Variants in HAO1 observed in about 807,000 individuals in gnomAD.
HAO1 encodes hydroxyacid oxidase 1.
A neutral mutation model predicts 39.7 loss-of-function variants in HAO1; 34 were observed. The ratio of observed to expected loss-of-function variants is 0.86; its 90% CI spans 0.65 to 1.14. The LOEUF (loss-of-function observed/expected upper bound fraction) is 1.14, where lower values mean the gene tolerates loss of function less well. Among genes scored for constraint, HAO1 ranks in the 50% most tolerant of loss-of-function variants. The pLI is 0.00. For synonymous variants in HAO1, 172 were observed against 173.2 expected (o/e 0.99, Z 0.05); for missense variants, 479 against 464.5 (o/e 1.03, Z -0.29).
At position 7,923,332 on chromosome 20, in the gene HAO1, G is replaced by T. The variant is rs532546281; in HGVS notation, c.290-8913C>A. Among the ~76,000 whole-genome samples the T allele has an allele frequency of 4.6e-5, 7 of 152,224 alleles. No individual in the cohort carries two copies. In the East Asian group the frequency reaches 1.3e-3, roughly 29 times the overall value. On this transcript the variant is annotated intron_variant, in intron 2 of 7. Transcript: ENST00000378789. ...CTAGAGCTTGGCAGAGTTTTGTTTT[G>T]TTTGTTTGTCACATCAAGTCTTAAT...
intron 2 of HAO1, among the ~76,000 whole-genome samples, chr20:7,931,744 GC>G (rs2050386679): frequency 6.6e-6 from 1 of 152,096 alleles, no homozygotes; most frequent in Admixed American, 6.5e-5. Flanking sequence ...TTCTAAGGAA[GC>G]TTTCTTTTCT....
At chr20:7,897,548 A>C (rs1432078824) in intron 4 of HAO1, among the ~76,000 whole-genome samples, 1 of 152,044 alleles carries the variant, frequency 6.6e-6, no homozygotes, top group East Asian at 1.9e-4. Flanking sequence ...TTCAGCAATC[A>C]TGTTTTTAAT....
In HAO1 at chr20:7,934,335, C is replaced by A. The variant is rs140715703; in HGVS notation, c.289+149G>T. On this transcript the variant is annotated intron_variant, in intron 2 of 7. Transcript: ENST00000378789. ...CTGGAAAGAAGAGGAGCAGGACATG[C>A]AAGAACAAGTATTTTGATGATAGAG... 911 of 543,134 alleles carry A rather than the reference C, an allele frequency of 1.7e-3. 8 individuals carry two copies. Among genetic ancestry groups the A allele is most frequent in the African/African-American group, 0.016 (823 of 51,294 alleles). 33.6% of individuals were successfully genotyped at this position (543,134 alleles called of 1,614,324 possible).
At chr20:7,907,668 AT>A (rs1316721779) in intron 3 of HAO1, among the ~76,000 whole-genome samples, 13 of 152,032 alleles carry the variant, frequency 8.6e-5, no homozygotes, top group African/African-American at 3.1e-4. Flanking sequence ...TTAGCCCAGT[AT>A]TTCTCTAACT....
chr20:7,937,743 T>C (rs867431389), intron 1 of HAO1, among the ~76,000 whole-genome samples: 1 of 152,238 alleles, frequency 6.6e-6, no homozygotes, highest in African/African-American at 2.4e-5. Context: ...CTGTTCTTCG[T>C]TGAATTAATC....
chr20:7,893,618 G>T (rs1281007185), intron 5 of HAO1, among the ~76,000 whole-genome samples: 1 of 152,098 alleles, frequency 6.6e-6, no homozygotes, highest in African/African-American at 2.4e-5. Context: ...ATCTGGTATT[G>T]TGGCCTTCAA....
chr20:7,907,715 C>T (rs2050254997), intron 3 of HAO1, among the ~76,000 whole-genome samples: 2 of 152,128 alleles, frequency 1.3e-5, no homozygotes, highest in African/African-American at 4.8e-5. Context: ...TCCCCTGTGC[C>T]TGAGGTCTTT....
At chr20:7,917,684 G>A (rs945984700) in intron 2 of HAO1, among the ~76,000 whole-genome samples, 6 of 152,158 alleles carry the variant, frequency 3.9e-5, no homozygotes, top group African/African-American at 1.4e-4. Flanking sequence ...AAATCACTCA[G>A]ATGATAGGGC....
At chr20:7,889,595 G>C (rs1600105165) in intron 5 of HAO1, among the ~76,000 whole-genome samples, 5 of 152,226 alleles carry the variant, frequency 3.3e-5, no homozygotes, top group Admixed American at 3.3e-4. Flanking sequence ...CTTCTCAGAA[G>C]CAACATATTA....
At chr20:7,899,806 A>G (rs2050213553) in intron 4 of HAO1, among the ~76,000 whole-genome samples, 1 of 152,216 alleles carries the variant, frequency 6.6e-6, no homozygotes, top group South Asian at 2.1e-4. Context: ...CAAAATGTTC[A>G]TGAATCTTGG....
At chr20:7,907,020 C>G (rs1331388252) in intron 3 of HAO1, among the ~76,000 whole-genome samples, 1 of 152,190 alleles carries the variant, frequency 6.6e-6, no homozygotes, top group Non-Finnish European at 1.5e-5. Context: ...ACCGCAGTAA[C>G]AGGTGTTAAC....
chr20:7,924,936 A>C (rs1001004939), intron 2 of HAO1, among the ~76,000 whole-genome samples: 3 of 152,124 alleles, frequency 2.0e-5, no homozygotes, highest in African/African-American at 2.4e-5. Context: ...AAAATATGCG[A>C]TGACCAAGTA....
chr20:7,887,941 A>C (rs573689652), intron 5 of HAO1, among the ~76,000 whole-genome samples: 1 of 152,244 alleles, frequency 6.6e-6, no homozygotes, highest in African/African-American at 2.4e-5. Context: ...TATTACACAA[A>C]ATAATTCTGA....
At chr20:7,929,868 A>T (rs1035253267) in intron 2 of HAO1, among the ~76,000 whole-genome samples, 1 of 152,156 alleles carries the variant, frequency 6.6e-6, no homozygotes, top group African/African-American at 2.4e-5. Context: ...GTCTCAAAAA[A>T]ATAAGAGTCG....
intron 2 of HAO1, among the ~76,000 whole-genome samples, chr20:7,918,282 A>G (rs1211187383): frequency 6.6e-6 from 1 of 152,194 alleles, no homozygotes; most frequent in Non-Finnish European, 1.5e-5. Context: ...GATGAATTAC[A>G]TTCATTATTT....
intron 4 of HAO1, 35 bp from the exon 5 acceptor site, chr20:7,895,259 G>T: frequency 1.4e-6 from 2 of 1,390,294 alleles, no homozygotes; most frequent in Non-Finnish European, 2.0e-6. Context: ...TAGGGAAACT[G>T]TAACTTAACA....
chr20:7,885,068 G>T (rs1256399330), intron 7 of HAO1, among the ~76,000 whole-genome samples: 3 of 152,144 alleles, frequency 2.0e-5, no homozygotes, highest in Admixed American at 6.6e-5. Context: ...AATGACTGAA[G>T]ATTTTTGTAC....
intron 2 of HAO1, among the ~76,000 whole-genome samples, chr20:7,915,510 A>G (rs2050302716): frequency 6.6e-6 from 1 of 152,228 alleles, no homozygotes; most frequent in Admixed American, 6.5e-5. Context: ...TACTCTGCAC[A>G]TTTGAACTTG....
chr20:7,897,256 T>C (rs999978151), intron 4 of HAO1, among the ~76,000 whole-genome samples: 2 of 152,220 alleles, frequency 1.3e-5, no homozygotes, highest in Non-Finnish European at 2.9e-5. Context: ...CACATTACTT[T>C]TCTGAAATTT....
Sources: gnomAD v4.1 joint callset for allele counts (sites outside exome capture counted in the v4.1 genomes callset) on GRCh38, gnomAD v4.1.1 for gene constraint, MANE v1.5 for transcripts, NCBI Gene and HGNC (gene_info 2026-07-23, HGNC 2026-07-21) for gene names.